Variants in ABR observed in about 807,000 individuals in gnomAD.
The protein encoded by ABR is ABR activator of RhoGEF and GTPase, also known as active breakpoint cluster region-related protein.
ABR carries 35 observed loss-of-function variants against 107.2 expected under a neutral mutation model. That is an observed-to-expected ratio of 0.33 (90% CI 0.25 to 0.43). ABR has a LOEUF of 0.43. ABR is among the 20% of genes least tolerant of loss of function. The pLI, the probability that ABR is intolerant of heterozygous loss-of-function variation, is 1.00. For missense variants in ABR, 815 were observed against 1,115.2 expected, an observed-to-expected ratio of 0.73 and a Z score of 3.83; for synonymous variants, 498 against 462.0, an observed-to-expected ratio of 1.08 and a Z score of -1.00.
intron 16 of ABR, among the ~76,000 whole-genome samples, chr17:1,041,160 C>T (rs1330667958): frequency 1.3e-5 from 2 of 151,886 alleles, no homozygotes; most frequent in Non-Finnish European, 2.9e-5. Flanking sequence ...CCTCATGATC[C>T]GCCCGCCTCG....
intron 1 of ABR, among the ~76,000 whole-genome samples, chr17:1,147,304 A>C (rs917827906): frequency 6.6e-6 from 1 of 151,824 alleles, no homozygotes; most frequent in Non-Finnish European, 1.5e-5. Context: ...GTGAGCAAGC[A>C]GCAGCTTGCT....
rs367632894 is a variant in ABR at position 1,125,209 on chromosome 17, T to G, written c.220A>C (p.Thr74Pro). ...SQGGGDGVSPTPPEGLAPGVE... is the reference protein window; with the variant it reads ...SQGGGDGVSPPPPEGLAPGVE... ...CCAGGAGCCAGTCCCTCAGGTGGAG[T>G]CGGGGAGACGCCATCCCCCCCGCCC... The change falls in exon 2 of 23, where the codon ACT becomes CCT. Residue 74 changes from threonine to proline, a missense_variant. Transcript: ENST00000302538. 3 of 1,597,860 alleles carry G rather than the reference T, an allele frequency of 1.9e-6. No homozygotes were observed. The highest frequency in any genetic ancestry group is 1.7e-6 in the Non-Finnish European group (2 of 1,170,644).
rs1567889082 is a variant in ABR, at chr17:1,203,401, G to GGGGGCGGAGTCTGCGGGGGCGGGGCCCGC, written c.838+25391_838+25392insGCGGGCCCCGCCCCCGCAGACTCCGCCCC. ...GGGGCCTTGAGGGGGCGGGGCCCGC[G>GGGGGCGGAGTCTGCGGGGGCGGGGCCCGC]GGGGGCGGAGTCTGCGGGGGCGGGG... On this transcript the variant is annotated intron_variant, in intron 1 of 22. Coordinates refer to the ABR transcript ENST00000574139. Among the ~76,000 whole-genome samples, 71 of 12,624 alleles carry GGGGGCGGAGTCTGCGGGGGCGGGGCCCGC rather than the reference G, an allele frequency of 5.6e-3. 25 individuals are homozygous for GGGGGCGGAGTCTGCGGGGGCGGGGCCCGC. The highest frequency in any genetic ancestry group is 0.031 in the African/African-American group (66 of 2,162). 8.3% of individuals were successfully genotyped at this position (12,624 alleles called of 152,430 possible).
At chr17:1,041,946 G>A (rs1457499275) in intron 16 of ABR, among the ~76,000 whole-genome samples, 1 of 152,140 alleles carries the variant, frequency 6.6e-6, no homozygotes, top group Non-Finnish European at 1.5e-5. Flanking sequence ...GGCCGAGGCA[G>A]GGGGCCCAAC....
chr17:1,193,970 A>T (rs1329440673), intron 1 of ABR, among the ~76,000 whole-genome samples: 1 of 152,156 alleles, frequency 6.6e-6, no homozygotes, highest in Non-Finnish European at 1.5e-5. Flanking sequence ...CTGGGATAAC[A>T]GGCGTGAGCC....
At chr17:1,077,912 A>G (rs2035861580) in intron 6 of ABR, among the ~76,000 whole-genome samples, 1 of 151,662 alleles carries the variant, frequency 6.6e-6, no homozygotes, top group African/African-American at 2.4e-5. Context: ...CAGGCAGGGC[A>G]CCCCTTGGCA....
chr17:1,067,370 C>G (rs1247449615), intron 9 of ABR, 128 bp from the exon 10 acceptor site: 2 of 897,574 alleles, frequency 2.2e-6, no homozygotes, highest in Non-Finnish European at 3.3e-6. Context: ...AAGAACGATC[C>G]CTGCTCCTGA....
At chr17:1,191,308 C>A (rs1047077276), upstream of ABR, among the ~76,000 whole-genome samples, 5 of 152,080 alleles carry the variant, frequency 3.3e-5, no homozygotes, top group East Asian at 5.8e-4. Flanking sequence ...CAGCTTCTCA[C>A]CCCCGCCTAG....
intron 10 of ABR, among the ~76,000 whole-genome samples, chr17:1,059,586 C>T (rs936984373): frequency 3.3e-5 from 5 of 152,202 alleles, no homozygotes; most frequent in Non-Finnish European, 5.9e-5. Flanking sequence ...CCTCCCTGCC[C>T]GGCAGACAAC....
At chr17:1,024,768 AGAGT>A (rs1295385177) in intron 16 of ABR, among the ~76,000 whole-genome samples, 1 of 129,522 alleles carries the variant, frequency 7.7e-6, no homozygotes, top group Non-Finnish European at 1.6e-5. Context: ...CCTGGGCGAG[AGAGT>A]GAGACTCCCA....
chr17:1,080,441 A>T (rs2036137944), intron 5 of ABR, among the ~76,000 whole-genome samples: 1 of 152,162 alleles, frequency 6.6e-6, no homozygotes, highest in African/African-American at 2.4e-5. Context: ...TGCAGCCTGC[A>T]ACTGGAGCTG....
At chr17:1,193,386 T>C (rs1160376601) in intron 1 of ABR, among the ~76,000 whole-genome samples, 4 of 151,762 alleles carry the variant, frequency 2.6e-5, no homozygotes, top group Non-Finnish European at 5.9e-5. Flanking sequence ...CTAGGCACCC[T>C]GTTAAGCACG....
chr17:1,083,282 TTTTTG>T, intron 5 of ABR: 5 of 201,998 alleles, frequency 2.5e-5, no homozygotes, highest in South Asian at 1.7e-4. Context: ...TTTTTTTTTT[TTTTTG>T]CCTCCCCTGT....
chr17:1,096,398 C>A (rs1285897051), intron 3 of ABR, among the ~76,000 whole-genome samples: 7 of 152,190 alleles, frequency 4.6e-5, no homozygotes, highest in African/African-American at 1.7e-4. Flanking sequence ...CTCCTTCAAG[C>A]TGGCACCTTT....
At chr17:1,134,885 C>T (rs114848029) in intron 1 of ABR, among the ~76,000 whole-genome samples, 2,446 of 152,356 alleles carry the variant, frequency 0.016, 64 homozygotes, top group African/African-American at 0.056. Context: ...TAAATGGATA[C>T]GGGTTTAGCA....
chr17:1,061,814 T>A (rs889063222), intron 10 of ABR, among the ~76,000 whole-genome samples: 2 of 152,220 alleles, frequency 1.3e-5, no homozygotes, highest in African/African-American at 4.8e-5. Flanking sequence ...CCCAAAGTAC[T>A]GGGATTACCG....
At chr17:1,024,597 G>A (rs1299722624) in intron 16 of ABR, among the ~76,000 whole-genome samples, 6 of 151,996 alleles carry the variant, frequency 3.9e-5, no homozygotes, top group South Asian at 2.1e-4. Context: ...ATCAGCCTGC[G>A]CAACATAACG....
At chr17:1,074,748 G>T (rs891342604) in intron 6 of ABR, among the ~76,000 whole-genome samples, 1 of 152,208 alleles carries the variant, frequency 6.6e-6, no homozygotes, top group African/African-American at 2.4e-5. Context: ...GCTCCCCGAG[G>T]CCAGCCTGGC....
rs2041722511 is a variant in ABR, at chr17:1,171,828, GC to G, written c.61+7838del. 3.3e-5 allele frequency among the ~76,000 whole-genome samples: 5 copies of G among 152,326 alleles called. No individual in the cohort carries two copies. The South Asian group carries it at 1.0e-3, about 32-fold the overall frequency. The stretch of plus-strand genomic sequence containing the variant: ...ACCTGTAATCCCAGCTACTCGGGAG[GC>G]TGAGGCAGGAGAACTGCTTGAACCC... On this transcript the variant is annotated intron_variant, in intron 1 of 22. Coordinates refer to ENST00000302538, the MANE Select transcript of ABR (RefSeq NM_021962.5).
Sources: gnomAD v4.1 joint callset for allele counts (sites outside exome capture counted in the v4.1 genomes callset) on GRCh38, gnomAD v4.1.1 for gene constraint, MANE v1.5 for transcripts, NCBI Gene and HGNC (gene_info 2026-07-23, HGNC 2026-07-21) for gene names.